The following CACNA2D3 variants were observed in gnomAD, a reference collection of about 807,000 sequenced individuals.
CACNA2D3 encodes the protein calcium voltage-gated channel auxiliary subunit alpha2delta 3.
A neutral mutation model predicts 160.6 loss-of-function variants in CACNA2D3; 60 were observed. That is an observed-to-expected ratio of 0.37 (90% confidence interval 0.30 to 0.46). CACNA2D3 has a LOEUF of 0.46. CACNA2D3 is among the 20% of genes least tolerant of loss of function. The pLI is 1.00. For synonymous variants in CACNA2D3, 558 were observed against 492.9 expected (o/e 1.13, Z -1.75); for missense variants, 1,205 against 1,365.0 (o/e 0.88, Z 1.85).
intron 2 of CACNA2D3, among the ~76,000 whole-genome samples, chr3:54,307,133 T>G (rs903795716): frequency 7.9e-5 from 12 of 152,142 alleles, no homozygotes; most frequent in African/African-American, 2.9e-4. Flanking sequence ...GTGTCTGAAA[T>G]GGATTATTTC....
chr3:54,822,919 A>G (rs148494117), intron 14 of CACNA2D3, among the ~76,000 whole-genome samples: 1,633 of 150,134 alleles, frequency 0.011, 37 homozygotes, highest in African/African-American at 0.038. Flanking sequence ...CAATTGCGCG[A>G]TCTCGGCTCA....
At chr3:55,042,648 A>G (rs2107193006) in intron 35 of CACNA2D3, among the ~76,000 whole-genome samples, 1 of 152,276 alleles carries the variant, frequency 6.6e-6, no homozygotes, top group Admixed American at 6.5e-5. Context: ...TTTACTCGTG[A>G]TAAAATTGGC....
At chr3:54,932,675 C>T (rs559083306) in intron 27 of CACNA2D3, among the ~76,000 whole-genome samples, 3 of 152,168 alleles carry the variant, frequency 2.0e-5, no homozygotes, top group Non-Finnish European at 4.4e-5. Context: ...GGGGTCTCTA[C>T]GTGTGATGAG....
At chr3:54,457,493 G>T (rs1295515595) in intron 4 of CACNA2D3, among the ~76,000 whole-genome samples, 1 of 152,046 alleles carries the variant, frequency 6.6e-6, no homozygotes, top group Non-Finnish European at 1.5e-5. Context: ...CAGTCCTGGA[G>T]AATGTCACGT....
At chr3:54,680,508 A>G (rs994102598) in intron 11 of CACNA2D3, among the ~76,000 whole-genome samples, 1 of 152,156 alleles carries the variant, frequency 6.6e-6, no homozygotes, top group Non-Finnish European at 1.5e-5. Flanking sequence ...GAGACTTCTT[A>G]TTCTGTCTGG....
intron 4 of CACNA2D3, among the ~76,000 whole-genome samples, chr3:54,443,384 A>G (rs1194708525): frequency 6.6e-6 from 1 of 152,158 alleles, no homozygotes; most frequent in Non-Finnish European, 1.5e-5. Flanking sequence ...CACTTTAGGC[A>G]GCGTCTTAGA....
intron 6 of CACNA2D3, 145 bp downstream of exon 6, chr3:54,563,076 A>C: frequency 1.3e-6 from 1 of 748,110 alleles, no homozygotes; most frequent in Non-Finnish European, 2.1e-6. Context: ...GTCAGGGTGC[A>C]GGACAGGAAT....
intron 29 of CACNA2D3, among the ~76,000 whole-genome samples, chr3:54,979,714 CTG>C (rs1702466037): frequency 2.6e-5 from 4 of 152,134 alleles, no homozygotes; most frequent in Non-Finnish European, 1.5e-5. Context: ...TTTCAGCTCT[CTG>C]TGAGAGTCCT....
chr3:54,815,260 TAA>T (rs1355178565), intron 13 of CACNA2D3, among the ~76,000 whole-genome samples: 1 of 152,228 alleles, frequency 6.6e-6, no homozygotes, highest in Non-Finnish European at 1.5e-5. Context: ...CCGTATAAGA[TAA>T]AAGTGTTGGA....
chr3:54,834,835 G>C (rs543338576), intron 14 of CACNA2D3, among the ~76,000 whole-genome samples: 1 of 152,318 alleles, frequency 6.6e-6, no homozygotes, highest in African/African-American at 2.4e-5. Context: ...TGACATGCTG[G>C]AAATTGCAGC....
intron 2 of CACNA2D3, among the ~76,000 whole-genome samples, chr3:54,240,130 C>T (rs755058500): frequency 6.6e-6 from 1 of 152,202 alleles, no homozygotes; most frequent in Non-Finnish European, 1.5e-5. Flanking sequence ...ATTAAAGGGG[C>T]TCTCTACGTA....
chr3:54,797,364 G>T (rs902956435), intron 13 of CACNA2D3, among the ~76,000 whole-genome samples: 1 of 152,162 alleles, frequency 6.6e-6, no homozygotes, highest in Non-Finnish European at 1.5e-5. Flanking sequence ...ATTTGCCCTT[G>T]CTGTGGCCAC....
At chr3:54,437,001 G>C (rs545241732) in intron 4 of CACNA2D3, among the ~76,000 whole-genome samples, 31 of 152,310 alleles carry the variant, frequency 2.0e-4, no homozygotes, top group African/African-American at 7.0e-4. Context: ...AGAAGTGGTA[G>C]AACATCTGTT....
At chr3:54,187,715 G>T (rs62252183) in intron 2 of CACNA2D3, among the ~76,000 whole-genome samples, 1 of 152,148 alleles carries the variant, frequency 6.6e-6, no homozygotes, top group African/African-American at 2.4e-5. Context: ...AAACTGTTCC[G>T]TCTCAGATCA....
intron 13 of CACNA2D3, among the ~76,000 whole-genome samples, chr3:54,813,060 A>C (rs1166052734): frequency 2.0e-5 from 3 of 152,172 alleles, no homozygotes; most frequent in Non-Finnish European, 2.9e-5. Flanking sequence ...TTGAATGTGA[A>C]GTGTCACCTG....
At chr3:54,964,478 T>G (rs1702098718) in intron 27 of CACNA2D3, among the ~76,000 whole-genome samples, 1 of 152,200 alleles carries the variant, frequency 6.6e-6, no homozygotes, top group Admixed American at 6.5e-5. Context: ...TTGTTTTCCT[T>G]ATTAAATTAG....
chr3:54,309,755 C>A (rs1703694095), intron 2 of CACNA2D3, among the ~76,000 whole-genome samples: 1 of 152,102 alleles, frequency 6.6e-6, no homozygotes, highest in Non-Finnish European at 1.5e-5. Context: ...TTCTTAAAAG[C>A]ACGCTGAGGA....
chr3:54,420,333 T>A (rs530975677), intron 4 of CACNA2D3, among the ~76,000 whole-genome samples: 2 of 151,582 alleles, frequency 1.3e-5, no homozygotes, highest in East Asian at 3.9e-4. Flanking sequence ...TCCACCCACC[T>A]TGGCCTCCCA....
chr3:54,917,677 A>G (rs1526584), intron 27 of CACNA2D3, among the ~76,000 whole-genome samples: 1,848 of 152,326 alleles, frequency 0.012, 43 homozygotes, highest in African/African-American at 0.041. Context: ...GAAGGTTCCA[A>G]TCCCTTGGTG....
Sources: gnomAD v4.1 joint callset for allele counts (sites outside exome capture counted in the v4.1 genomes callset) on GRCh38, gnomAD v4.1.1 for gene constraint, MANE v1.5 for transcripts, NCBI Gene and HGNC (gene_info 2026-07-23, HGNC 2026-07-21) for gene names.